The following DCBLD2 variants were observed in gnomAD, a reference collection of about 807,000 sequenced individuals.
The protein encoded by DCBLD2 is discoidin, CUB and LCCL domain-containing protein 2.
DCBLD2 carries 54 observed loss-of-function variants against 86.8 expected under a neutral mutation model. The observed-to-expected ratio is 0.62, with a 90% CI of 0.50 to 0.78. The LOEUF is 0.78. Among genes scored for constraint, DCBLD2 ranks in the 30% least tolerant of loss-of-function variants. DCBLD2 has a pLI of 0.00. For synonymous variants in DCBLD2, 354 were observed against 341.3 expected, an observed-to-expected ratio of 1.04 and a Z score of -0.41; for missense variants, 908 against 954.2, an observed-to-expected ratio of 0.95 and a Z score of 0.64.
chr3:98,799,446 C>A lies in DCBLD2; in HGVS notation c.2254G>T (p.Val752Leu). The part of the protein sequence containing the change: ...LPAPDELVYQ[V>L]PQSTQEVSGA... The stretch of plus-strand genomic sequence containing the variant: ...GATACTTCTTGTGTGCTCTGTGGCA[C>A]CTGGTACACCAATTCGTCTGGGGCA... Residue 752 changes from valine to leucine, a missense_variant, in exon 16 of 16, where the codon GTG (valine) becomes TTG (leucine). Val to Leu is a conservative substitution (Grantham distance 32). Transcript: ENST00000326840. 6.2e-7 allele frequency: 1 copy of A among 1,614,014 alleles called. No homozygotes were observed. The highest frequency in any genetic ancestry group is 8.5e-7 in the Non-Finnish European group (1 of 1,179,892).
At chr3:98,899,545 C>T (rs1364371366) in intron 1 of DCBLD2, among the ~76,000 whole-genome samples, 4 of 152,100 alleles carry the variant, frequency 2.6e-5, no homozygotes, top group Admixed American at 1.3e-4. Flanking sequence ...CCACCGCGCC[C>T]GGTAGACTGG....
chr3:98,892,887 T>C (rs1270859532), intron 1 of DCBLD2, among the ~76,000 whole-genome samples: 1 of 152,042 alleles, frequency 6.6e-6, no homozygotes, highest in Non-Finnish European at 1.5e-5. Context: ...TGATCTGAGA[T>C]GGTGGGGATC....
At chr3:98,870,757 G>GAAAAGAAAGAAAA (rs71124008) in intron 2 of DCBLD2, among the ~76,000 whole-genome samples, 1 of 111,438 alleles carries the variant, frequency 9.0e-6, no homozygotes. Context: ...AAGAAAGAAA[G>GAAAAGAAAGAAAA]AAAGAAAGAA....
At chr3:98,893,120 G>A (rs561184669) in intron 1 of DCBLD2, among the ~76,000 whole-genome samples, 40 of 152,082 alleles carry the variant, frequency 2.6e-4, no homozygotes, top group African/African-American at 8.4e-4. Flanking sequence ...TTAGTGGAAC[G>A]GAAACATATA....
At chr3:98,824,041 T>C (rs1942171070) in intron 4 of DCBLD2, among the ~76,000 whole-genome samples, 1 of 152,016 alleles carries the variant, frequency 6.6e-6, no homozygotes, top group African/African-American at 2.4e-5. Flanking sequence ...CTAGTGTGTG[T>C]CCGGAAGTGG....
At chr3:98,844,582 C>T (rs768018992) in intron 3 of DCBLD2, among the ~76,000 whole-genome samples, 1 of 152,014 alleles carries the variant, frequency 6.6e-6, no homozygotes, top group African/African-American at 2.4e-5. Context: ...AGGCTTGTCT[C>T]GAACTACTGA....
At chr3:98,861,357 A>C (rs912911003) in intron 2 of DCBLD2, among the ~76,000 whole-genome samples, 1 of 152,236 alleles carries the variant, frequency 6.6e-6, no homozygotes, top group Non-Finnish European at 1.5e-5. Context: ...AATTGAACTT[A>C]GCTCTGCACC....
chr3:98,879,815 G>C (rs1050913451), intron 2 of DCBLD2, among the ~76,000 whole-genome samples: 4 of 152,070 alleles, frequency 2.6e-5, no homozygotes, highest in African/African-American at 9.7e-5. Flanking sequence ...TTGTTCTACA[G>C]AATTTCTCAT....
At chr3:98,835,508 G>C (rs1458309791) in intron 3 of DCBLD2, among the ~76,000 whole-genome samples, 22 of 141,300 alleles carry the variant, frequency 1.6e-4, no homozygotes, top group African/African-American at 5.9e-4. Flanking sequence ...TATGTGCCAG[G>C]TTCACTTATC....
chr3:98,845,060 TG>T (rs1296025933), intron 3 of DCBLD2, among the ~76,000 whole-genome samples: 2 of 152,314 alleles, frequency 1.3e-5, no homozygotes, highest in East Asian at 3.9e-4. Flanking sequence ...TCATAGTTGT[TG>T]GAAGTCTTGA....
At chr3:98,866,769 G>C (rs1234020342) in intron 2 of DCBLD2, among the ~76,000 whole-genome samples, 1 of 152,220 alleles carries the variant, frequency 6.6e-6, no homozygotes, top group Admixed American at 6.5e-5. Flanking sequence ...TTTCAGACAT[G>C]AAGTCCTTGC....
At chr3:98,839,180 C>CTTTCTTTCT (rs1446480092) in intron 3 of DCBLD2, among the ~76,000 whole-genome samples, 2 of 28,228 alleles carry the variant, frequency 7.1e-5, no homozygotes, top group African/African-American at 4.3e-4. Flanking sequence ...TCCTTTCTTT[C>CTTTCTTTCT]TTCCTTCCTT....
chr3:98,842,439 A>G (rs1315351579), intron 3 of DCBLD2, among the ~76,000 whole-genome samples: 2 of 152,206 alleles, frequency 1.3e-5, no homozygotes, highest in East Asian at 3.8e-4. Flanking sequence ...GTTAAGAGAA[A>G]TTTACATATA....
At chr3:98,871,157 A>G (rs965097014) in intron 2 of DCBLD2, among the ~76,000 whole-genome samples, 3 of 152,024 alleles carry the variant, frequency 2.0e-5, no homozygotes, top group Admixed American at 6.6e-5. Flanking sequence ...CACTTTACAG[A>G]TTCATTTATC....
rs750716789 is a variant in DCBLD2, at chr3:98,817,898, G to T, written c.1088-5C>A. 6.2e-7 allele frequency: 1 copy of T among 1,612,226 alleles called. No individual in the cohort carries two copies. The highest frequency in any genetic ancestry group is 1.7e-5 in the Admixed American group (1 of 59,886). Reference sequence around the variant, plus strand: ...TGGATCCAGTGGTTATAATGCCTGGGGAATGAAGAGTTGCTTTCATTAATG... The same window carrying T: ...TGGATCCAGTGGTTATAATGCCTGGTGAATGAAGAGTTGCTTTCATTAATG... On this transcript the variant is annotated splice_polypyrimidine_tract_variant and splice_region_variant and intron_variant, in intron 8 of 15. Transcript: ENST00000326840.
chr3:98,892,893 G>A (rs1943687621), intron 1 of DCBLD2, among the ~76,000 whole-genome samples: 1 of 152,084 alleles, frequency 6.6e-6, no homozygotes, highest in African/African-American at 2.4e-5. Context: ...GAGATGGTGG[G>A]GATCAAAAAA....
chr3:98,868,501 T>C (rs1490051380), intron 2 of DCBLD2, among the ~76,000 whole-genome samples: 1 of 152,194 alleles, frequency 6.6e-6, no homozygotes, highest in African/African-American at 2.4e-5. Context: ...TACAAGTAGT[T>C]TTTGTTACAC....
chr3:98,814,667 G>T (rs1005955929), intron 9 of DCBLD2: 1 of 152,134 alleles, frequency 6.6e-6, no homozygotes, highest in African/African-American at 2.4e-5. Flanking sequence ...GCGTACTCAT[G>T]CACATGTGCA....
At chr3:98,862,926 A>G (rs1436912794) in intron 2 of DCBLD2, among the ~76,000 whole-genome samples, 1 of 152,224 alleles carries the variant, frequency 6.6e-6, no homozygotes, top group Non-Finnish European at 1.5e-5. Flanking sequence ...AGAGGAAGTC[A>G]AATTGTCCCT....
Sources: gnomAD v4.1 joint callset for allele counts (sites outside exome capture counted in the v4.1 genomes callset) on GRCh38, gnomAD v4.1.1 for gene constraint, MANE v1.5 for transcripts, NCBI Gene and HGNC (gene_info 2026-07-23, HGNC 2026-07-21) for gene names.